The following CDC25A variants were observed in gnomAD, a reference collection of about 807,000 sequenced individuals.
The protein encoded by CDC25A is cell division cycle 25A.
In CDC25A, 17 loss-of-function variants were observed where a neutral mutation model predicts 64.6. The observed-to-expected ratio is 0.26, with a 90% CI of 0.18 to 0.39. CDC25A has a LOEUF of 0.39. Ranked by LOEUF, CDC25A falls within the 10% of genes least tolerant of loss-of-function variation. The pLI is 1.00. For synonymous variants in CDC25A, 229 were observed against 238.6 expected (o/e 0.96, Z 0.37); for missense variants, 473 against 654.8 (o/e 0.72, Z 3.03).
In CDC25A at chr3:48,178,025, C is replaced by T. The variant is rs367727718; in HGVS notation, c.550-37G>A. Reference sequence around the variant, plus strand: ...AATTCATGGATTAATAATGAGAGCTCTGATCCACTTTCATTTCCTTGAATG... The same window carrying T: ...AATTCATGGATTAATAATGAGAGCTTTGATCCACTTTCATTTCCTTGAATG... On this transcript the variant is annotated intron_variant, in intron 6 of 14. Transcript: ENST00000302506. 3.2e-6 allele frequency: 5 copies of T among 1,570,376 alleles called. No homozygotes were observed. The African/African-American group carries it at 6.8e-5, about 21-fold the overall frequency.
At chr3:48,182,485 C>T (rs540781357) in intron 5 of CDC25A, among the ~76,000 whole-genome samples, 4 of 152,250 alleles carry the variant, frequency 2.6e-5, no homozygotes, top group African/African-American at 4.8e-5. Flanking sequence ...TTGTTGACCC[C>T]GTTCTTACAA....
chr3:48,174,154 C>G, intron 9 of CDC25A, 130 bp downstream of exon 9: 1 of 800,650 alleles, frequency 1.2e-6, no homozygotes, highest in Non-Finnish European at 2.0e-6. Context: ...CACACACCCA[C>G]ACACACACAC....
chr3:48,164,311 G>T lies in CDC25A; in HGVS notation c.1318C>A (p.Arg440Ser). 6.3e-7 allele frequency: 1 copy of T among 1,585,042 alleles called. No homozygotes were observed. Among genetic ancestry groups the T allele is most frequent in the Non-Finnish European group, 8.6e-7 (1 of 1,167,636 alleles). Residue 440 changes from arginine to serine, a missense_variant, in exon 13 of 15, where the codon CGC becomes AGC. Transcript: ENST00000302506. ...HCEFSSERGP[R>S]MCRYVRERDR... is the part of the protein sequence containing the mutation. ...CCAGTTCCGTGCAGCACTCACATGC[G>T]GGGACCTCTCTCAGAAGAAAACTCG...
chr3:48,171,327 TCCTG>T, intron 9 of CDC25A, among the ~76,000 whole-genome samples: 1 of 150,740 alleles, frequency 6.6e-6, no homozygotes, highest in South Asian at 2.1e-4. Context: ...TGAGCCAAGA[TCCTG>T]CCACTGCACT....
chr3:48,176,013 A>G (rs1230402760), intron 8 of CDC25A, among the ~76,000 whole-genome samples: 2 of 152,036 alleles, frequency 1.3e-5, no homozygotes, highest in African/African-American at 4.8e-5. Context: ...AAAAATACCA[A>G]AAAAATTAGC....
chr3:48,172,898 G>A (rs1419946179), intron 9 of CDC25A, among the ~76,000 whole-genome samples: 1 of 151,648 alleles, frequency 6.6e-6, no homozygotes, highest in Non-Finnish European at 1.5e-5. Flanking sequence ...ATACAACTAT[G>A]AGCAATGCAA....
chr3:48,161,905 A>T (rs2031782299), intron 13 of CDC25A, among the ~76,000 whole-genome samples: 1 of 152,114 alleles, frequency 6.6e-6, no homozygotes, highest in African/African-American at 2.4e-5. Flanking sequence ...TACTAAAAAT[A>T]CAAACATTAG....
At chr3:48,174,986 A>G (rs750846810) in intron 8 of CDC25A, among the ~76,000 whole-genome samples, 49 of 152,196 alleles carry the variant, frequency 3.2e-4, no homozygotes, top group Non-Finnish European at 6.0e-4. Context: ...AATTGTGTTC[A>G]AAGTCTTTTT....
intron 13 of CDC25A, among the ~76,000 whole-genome samples, chr3:48,160,887 G>A (rs1283725660): frequency 1.3e-5 from 2 of 152,022 alleles, no homozygotes; most frequent in Non-Finnish European, 2.9e-5. Context: ...GGGCGCGGTG[G>A]CTCACACCTG....
At chr3:48,181,863 T>C (rs2032683693) in intron 5 of CDC25A, 1 of 546,716 alleles carries the variant, frequency 1.8e-6, no homozygotes, top group Non-Finnish European at 3.2e-6. Context: ...AAGTACTTTC[T>C]GTGCATTAAC....
rs11924249 is a variant in CDC25A, at chr3:48,183,283, A to G, written c.328-253T>C. The stretch of plus-strand genomic sequence containing the variant: ...TACAGTGCCCCCCTCAACAGGGATT[A>G]CAGTGCCAAATCAATCCCCAAATAA... On this transcript the variant is annotated intron_variant, in intron 4 of 14. Coordinates refer to ENST00000302506, the MANE Select transcript of CDC25A (RefSeq NM_001789.3). Among the ~76,000 whole-genome samples, 383 of 152,280 alleles carry G rather than the reference A, an allele frequency of 2.5e-3. 1 individual carries two copies. Among genetic ancestry groups the G allele is most frequent in the African/African-American group, 8.5e-3 (354 of 41,554 alleles).
chr3:48,184,977 CA>C (rs2032798085), intron 2 of CDC25A, among the ~76,000 whole-genome samples: 2 of 152,164 alleles, frequency 1.3e-5, no homozygotes, highest in Non-Finnish European at 2.9e-5. Flanking sequence ...AAAACTGATT[CA>C]TATCATGATT....
At chr3:48,180,872 A>G in intron 5 of CDC25A, 32 bp from the exon 6 acceptor site, 2 of 1,610,750 alleles carry the variant, frequency 1.2e-6, no homozygotes, top group Middle Eastern at 1.8e-4. Flanking sequence ...TCTACTGTCC[A>G]TGAAAACCAA....
At chr3:48,168,181 T>TA (rs33925813) in intron 9 of CDC25A, among the ~76,000 whole-genome samples, 28,583 of 124,024 alleles carry the variant, frequency 0.23, 3,448 homozygotes, top group Middle Eastern at 0.32. Flanking sequence ...CTTCCTTCCT[T>TA]AAAAAAAAAA....
At chr3:48,184,837 A>C (rs1260711262) in intron 2 of CDC25A, 142 bp from the exon 3 acceptor site, 1 of 615,742 alleles carries the variant, frequency 1.6e-6, no homozygotes, top group Non-Finnish European at 2.8e-6. Flanking sequence ...GCCAGAATTG[A>C]TGTTACGTCT....
At chr3:48,185,396 C>G (rs1035368927) in intron 2 of CDC25A, among the ~76,000 whole-genome samples, 2 of 143,646 alleles carry the variant, frequency 1.4e-5, no homozygotes, top group Non-Finnish European at 3.0e-5. Context: ...AGCCTGAGAC[C>G]TGGAAAACAG....
intron 13 of CDC25A, among the ~76,000 whole-genome samples, chr3:48,161,986 G>A (rs915487885): frequency 2.5e-4 from 38 of 152,040 alleles, no homozygotes; most frequent in East Asian, 1.9e-4. Context: ...GCTTGAACCC[G>A]GGAGGTGGAG....
Position 48,158,892 on chromosome 3 carries a change from G to T in CDC25A, c.*53C>A. On this transcript the variant is annotated 3_prime_UTR_variant, in exon 15 of 15. Coordinates refer to ENST00000302506, the MANE Select transcript of CDC25A (RefSeq NM_001789.3). ...GCTTAAGTTTCTCTGCAGCAAAGAG[G>T]GTAAAGGGGGATGGAGGGAAGCTTG... 1 of 1,606,532 alleles carries T rather than the reference G, an allele frequency of 6.2e-7. No individual in the cohort carries two copies. The highest frequency in any genetic ancestry group is 8.5e-7 in the Non-Finnish European group (1 of 1,175,564).
chr3:48,165,089 A>T (rs547094548), intron 12 of CDC25A, among the ~76,000 whole-genome samples: 1 of 128,842 alleles, frequency 7.8e-6, no homozygotes, highest in South Asian at 2.7e-4. Context: ...CAGCCTGGCG[A>T]CAGAGCGGAC....
Sources: gnomAD v4.1 joint callset for allele counts (sites outside exome capture counted in the v4.1 genomes callset) on GRCh38, gnomAD v4.1.1 for gene constraint, MANE v1.5 for transcripts, NCBI Gene and HGNC (gene_info 2026-07-23, HGNC 2026-07-21) for gene names.